Variants in STK3 observed in about 807,000 individuals in gnomAD.
The protein encoded by STK3 is serine/threonine kinase 3.
STK3 carries 41 observed loss-of-function variants against 58.0 expected under a neutral mutation model. That is an observed-to-expected ratio of 0.71 (90% CI 0.55 to 0.92). The LOEUF (loss-of-function observed/expected upper bound fraction) is 0.92, where lower values mean the gene tolerates loss of function less well. Ranked by LOEUF, STK3 falls within the 40% of genes least tolerant of loss-of-function variation. The pLI is 0.00. For missense variants in STK3, 479 were observed against 602.7 expected, an observed-to-expected ratio of 0.79 and a Z score of 2.15; for synonymous variants, 170 against 191.0, an observed-to-expected ratio of 0.89 and a Z score of 0.91.
chr8:98,545,322 T>C (rs533163039), intron 9 of STK3, among the ~76,000 whole-genome samples: 1 of 152,256 alleles, frequency 6.6e-6, no homozygotes, highest in African/African-American at 2.4e-5. Flanking sequence ...AGCTGAAGCC[T>C]GGACATTCCA....
intron 3 of STK3, among the ~76,000 whole-genome samples, chr8:98,417,100 G>A (rs942893288): frequency 2.6e-5 from 4 of 152,226 alleles, no homozygotes; most frequent in African/African-American, 9.6e-5. Context: ...TCAGAGCAGA[G>A]CTGAGTGCTG....
intron 1 of STK3, among the ~76,000 whole-genome samples, chr8:98,903,029 A>G (rs1346668630): frequency 6.6e-6 from 1 of 152,174 alleles, no homozygotes; most frequent in African/African-American, 2.4e-5. Flanking sequence ...ATAACCTAAA[A>G]GACTCTGGCT....
intron 4 of STK3, among the ~76,000 whole-genome samples, chr8:98,714,321 G>A (rs1462003671): frequency 1.3e-5 from 2 of 152,182 alleles, no homozygotes; most frequent in Non-Finnish European, 2.9e-5. Context: ...ATTCAATTAG[G>A]AAAAGAGGAA....
intron 10 of STK3, among the ~76,000 whole-genome samples, chr8:98,470,504 G>A (rs1820838721): frequency 6.6e-6 from 1 of 152,180 alleles, no homozygotes; most frequent in South Asian, 2.1e-4. Context: ...TTTTAAGTAG[G>A]CCACCCTCAC....
intron 2 of STK3, among the ~76,000 whole-genome samples, chr8:98,773,193 A>G (rs898055031): frequency 1.3e-5 from 2 of 151,994 alleles, no homozygotes; most frequent in African/African-American, 4.8e-5. Flanking sequence ...TTTTTCTATT[A>G]TATCTGTCCA....
At chr8:98,624,141 A>G (rs1300666648) in intron 6 of STK3, among the ~76,000 whole-genome samples, 1 of 152,242 alleles carries the variant, frequency 6.6e-6, no homozygotes, top group Non-Finnish European at 1.5e-5. Flanking sequence ...GGCGTAGGGG[A>G]ACATGTGAAA....
chr8:98,675,617 C>T (rs766207331), intron 6 of STK3, among the ~76,000 whole-genome samples: 89 of 152,098 alleles, frequency 5.9e-4, no homozygotes, highest in Non-Finnish European at 1.2e-3. Flanking sequence ...AATCTCAGCA[C>T]TTTGGGAGGC....
chr8:98,845,906 A>G (rs1440047153), intron 3 of STK3, among the ~76,000 whole-genome samples: 1 of 152,202 alleles, frequency 6.6e-6, no homozygotes, highest in Non-Finnish European at 1.5e-5. Context: ...CCGCTGCACC[A>G]CTACTGACTT....
intron 4 of STK3, chr8:98,722,744 T>C (rs1390473646): frequency 1.6e-5 from 3 of 193,494 alleles, no homozygotes; most frequent in Non-Finnish European, 3.3e-5. Flanking sequence ...AAGCAGTACC[T>C]TTCTCATATC....
the STK3 span, among the ~76,000 whole-genome samples, chr8:98,356,289 T>G: frequency 6.6e-6 from 1 of 152,126 alleles, no homozygotes; most frequent in Non-Finnish European, 1.5e-5. Flanking sequence ...GCAATAAAGT[T>G]GGAGATTTCT....
rs758977811 is a variant in STK3 at position 98,851,568 on chromosome 8, C to T, written c.110+32079G>A. Among the ~76,000 whole-genome samples, 19 of 151,528 alleles carry T rather than the reference C, an allele frequency of 1.3e-4. 1 individual carries two copies. The highest frequency in any genetic ancestry group is 3.9e-4 in the Admixed American group (6 of 15,218). On this transcript the variant is annotated intron_variant, in intron 3 of 12. Transcript: ENST00000523601. ...TCAAAAACTATCTTCCTCAACTACA[C>T]GGAAAAATCCATTTTTAGAGTGAAG...
intron 4 of STK3, among the ~76,000 whole-genome samples, chr8:98,720,898 AAAC>A (rs2131183758): frequency 6.6e-6 from 1 of 152,332 alleles, no homozygotes; most frequent in Non-Finnish European, 1.5e-5. Context: ...TACCAGTGGT[AAAC>A]AACAGTAAGA....
At chr8:98,633,815 C>A (rs2130536939) in intron 6 of STK3, 2 of 471,110 alleles carry the variant, frequency 4.2e-6, no homozygotes, top group East Asian at 7.9e-5. Context: ...TGAATACATT[C>A]CCTAACTTCA....
At chr8:98,684,159 A>C (rs1008753949) in intron 6 of STK3, among the ~76,000 whole-genome samples, 1 of 152,200 alleles carries the variant, frequency 6.6e-6, no homozygotes, top group Non-Finnish European at 1.5e-5. Flanking sequence ...GTTTTTCATC[A>C]TTAGAAAAGA....
At position 98,861,508 on chromosome 8, in the gene STK3, C is replaced by A. The variant is rs143937807; in HGVS notation, c.110+22139G>T. Among the ~76,000 whole-genome samples the A allele has an allele frequency of 2.1e-4, 32 of 151,714 alleles. 1 individual carries two copies. The East Asian group carries it at 6.2e-3, about 29-fold the overall frequency. On this transcript the variant is annotated intron_variant, in intron 3 of 12. Transcript: ENST00000523601. Reference sequence around the variant, plus strand: ...GACTACAGGCGCACGCCACCATGCCCGGCTAATTTTTTGTATTTTAGTAGA... The same window carrying A: ...GACTACAGGCGCACGCCACCATGCCAGGCTAATTTTTTGTATTTTAGTAGA...
chr8:98,699,020 C>T (rs1825278898), intron 6 of STK3, among the ~76,000 whole-genome samples: 1 of 152,348 alleles, frequency 6.6e-6, no homozygotes, highest in Admixed American at 6.5e-5. Flanking sequence ...AAGATCTGGT[C>T]TTTTCACATA....
At chr8:98,714,814 C>T (rs1004871787) in intron 4 of STK3, among the ~76,000 whole-genome samples, 1 of 152,100 alleles carries the variant, frequency 6.6e-6, no homozygotes, top group East Asian at 1.9e-4. Flanking sequence ...AAAAAGAGCC[C>T]GCACTGCCAA....
chr8:98,657,218 T>C (rs61622584), intron 6 of STK3, among the ~76,000 whole-genome samples: 4 of 152,134 alleles, frequency 2.6e-5, no homozygotes, highest in African/African-American at 9.7e-5. Context: ...TAGTGCTTTC[T>C]AAGTGCCAGG....
intron 10 of STK3, among the ~76,000 whole-genome samples, chr8:98,473,028 ATT>A (rs1821041056): frequency 6.6e-6 from 1 of 152,318 alleles, no homozygotes; most frequent in African/African-American, 2.4e-5. Context: ...GCCTTCAAAA[ATT>A]TGTTACTCTT....
Sources: gnomAD v4.1 joint callset for allele counts (sites outside exome capture counted in the v4.1 genomes callset) on GRCh38, gnomAD v4.1.1 for gene constraint, MANE v1.5 for transcripts, NCBI Gene and HGNC (gene_info 2026-07-23, HGNC 2026-07-21) for gene names.